ERBB4: variants seen among roughly 807,000 people sequenced by gnomAD.
The protein encoded by ERBB4 is erb-b2 receptor tyrosine kinase 4, also known as receptor tyrosine-protein kinase erbB-4.
A neutral mutation model predicts 158.0 loss-of-function variants in ERBB4; 42 were observed. The ratio of observed to expected loss-of-function variants is 0.27; its 90% CI spans 0.21 to 0.34. The LOEUF (loss-of-function observed/expected upper bound fraction) is 0.34, where lower values mean the gene tolerates loss of function less well. Ranked by LOEUF, ERBB4 falls within the 10% of genes least tolerant of loss-of-function variation. The pLI, the probability that ERBB4 is intolerant of heterozygous loss-of-function variation, is 1.00. For missense variants in ERBB4, 1,333 were observed against 1,624.1 expected (o/e 0.82, Z 3.08); for synonymous variants, 583 against 558.7 (o/e 1.04, Z -0.61).
At chr2:212,022,848 C>A (rs1160015765) in intron 2 of ERBB4, among the ~76,000 whole-genome samples, 1 of 151,956 alleles carries the variant, frequency 6.6e-6, no homozygotes, top group Admixed American at 6.6e-5. Flanking sequence ...AAAGGCAAAT[C>A]TTCCTGCTTC....
chr2:211,536,474 T>G (rs545965870), intron 20 of ERBB4, among the ~76,000 whole-genome samples: 1 of 152,078 alleles, frequency 6.6e-6, no homozygotes, highest in Non-Finnish European at 1.5e-5. Flanking sequence ...CAAACATGAC[T>G]TGAAAGGCAA....
At chr2:211,953,957 T>G (rs1428979960) in intron 2 of ERBB4, among the ~76,000 whole-genome samples, 1 of 152,064 alleles carries the variant, frequency 6.6e-6, no homozygotes, top group African/African-American at 2.4e-5. Context: ...AACCTGGAAT[T>G]TTCAATGGAT....
intron 3 of ERBB4, among the ~76,000 whole-genome samples, chr2:211,846,373 T>C (rs2077589541): frequency 6.6e-6 from 1 of 152,174 alleles, no homozygotes; most frequent in Non-Finnish European, 1.5e-5. Context: ...CAGGGTGTTC[T>C]GTTAGGCTGG....
At chr2:211,947,007 AAAT>A (rs1375505202) in intron 3 of ERBB4, among the ~76,000 whole-genome samples, 2 of 152,158 alleles carry the variant, frequency 1.3e-5, no homozygotes, top group Admixed American at 1.3e-4. Context: ...TATTTTCTAA[AAAT>A]AAGGTGATTG....
chr2:211,409,233 C>T (rs143645876), intron 25 of ERBB4, among the ~76,000 whole-genome samples: 10 of 152,014 alleles, frequency 6.6e-5, no homozygotes, highest in African/African-American at 1.9e-4. Flanking sequence ...TACTTTTTAC[C>T]ATGTAACCTG....
At chr2:211,913,653 G>T (rs1025113281) in intron 3 of ERBB4, among the ~76,000 whole-genome samples, 1 of 145,852 alleles carries the variant, frequency 6.9e-6, no homozygotes, top group East Asian at 2.0e-4. Flanking sequence ...GTGTGTGTGT[G>T]TGTGTATGTG....
intron 12 of ERBB4, among the ~76,000 whole-genome samples, chr2:211,687,839 TTG>T (rs1457330969): frequency 6.6e-6 from 1 of 152,138 alleles, no homozygotes; most frequent in Non-Finnish European, 1.5e-5. Flanking sequence ...CCTTTCAGAG[TTG>T]TCTTATAATG....
At chr2:211,607,603 T>C (rs1158549851) in intron 19 of ERBB4, among the ~76,000 whole-genome samples, 1 of 152,126 alleles carries the variant, frequency 6.6e-6, no homozygotes, top group Non-Finnish European at 1.5e-5. Flanking sequence ...ATAATTGTAA[T>C]CCTCAGAGGT....
intron 25 of ERBB4, among the ~76,000 whole-genome samples, chr2:211,406,993 T>A (rs1295610144): frequency 6.6e-6 from 1 of 152,014 alleles, no homozygotes; most frequent in Admixed American, 6.6e-5. Flanking sequence ...GGTAAGAGGA[T>A]TGCTTGATCC....
At chr2:211,713,291 A>G (rs1348425366) in intron 8 of ERBB4, among the ~76,000 whole-genome samples, 1 of 152,122 alleles carries the variant, frequency 6.6e-6, no homozygotes, top group East Asian at 1.9e-4. Context: ...TTTATTTCTG[A>G]GTTCCTATCA....
At chr2:212,493,118 A>G (rs912985797) in intron 1 of ERBB4, among the ~76,000 whole-genome samples, 4 of 151,530 alleles carry the variant, frequency 2.6e-5, no homozygotes, top group Admixed American at 2.6e-4. Context: ...ACTTATAAAT[A>G]ATAAAGAACC....
At chr2:211,772,566 G>A (rs917491956) in intron 4 of ERBB4, among the ~76,000 whole-genome samples, 5 of 151,650 alleles carry the variant, frequency 3.3e-5, no homozygotes, top group African/African-American at 1.2e-4. Flanking sequence ...CACATGGACA[G>A]GGACATGGAA....
At chr2:212,387,453 A>ATTTTT (rs34316082) in intron 1 of ERBB4, among the ~76,000 whole-genome samples, 1 of 128,866 alleles carries the variant, frequency 7.8e-6, no homozygotes. Flanking sequence ...GTTAGAACAC[A>ATTTTT]TTTTTTTTTT....
At chr2:212,350,796 A>G (rs961497278) in intron 1 of ERBB4, among the ~76,000 whole-genome samples, 6 of 101,500 alleles carry the variant, frequency 5.9e-5, no homozygotes, top group African/African-American at 1.4e-4. Context: ...TTCAAAATAA[A>G]GACTGTAAAA....
chr2:211,607,329 C>G (rs2069020937), intron 19 of ERBB4, among the ~76,000 whole-genome samples: 1 of 152,122 alleles, frequency 6.6e-6, no homozygotes, highest in African/African-American at 2.4e-5. Flanking sequence ...TATTAGCTGA[C>G]CAGTATCCGT....
chr2:212,034,523 C>T (rs572798295), intron 2 of ERBB4, among the ~76,000 whole-genome samples: 10 of 151,920 alleles, frequency 6.6e-5, no homozygotes, highest in South Asian at 4.1e-4. Flanking sequence ...GTGATCCGTA[C>T]AATAATTTTA....
chr2:211,587,014 C>T (rs2068301602), intron 19 of ERBB4, among the ~76,000 whole-genome samples: 1 of 151,954 alleles, frequency 6.6e-6, no homozygotes, highest in South Asian at 2.1e-4. Flanking sequence ...TGCCAATAAA[C>T]CTATTGTAAA....
chr2:212,057,991 A>T (rs1367500289), intron 2 of ERBB4, among the ~76,000 whole-genome samples: 1 of 151,506 alleles, frequency 6.6e-6, no homozygotes, highest in East Asian at 1.9e-4. Context: ...TGAATCCAGG[A>T]GCTGGTTGTT....
intron 1 of ERBB4, among the ~76,000 whole-genome samples, chr2:212,514,897 C>T (rs917203022): frequency 6.6e-6 from 1 of 151,908 alleles, no homozygotes; most frequent in Non-Finnish European, 1.5e-5. Flanking sequence ...AACATGGAGT[C>T]GGTCACAAAT....
Sources: allele counts gnomAD v4.1 joint callset (sites outside exome capture counted in the v4.1 genomes callset), GRCh38; gene constraint gnomAD v4.1.1; transcripts MANE v1.5; gene names NCBI Gene and HGNC (gene_info 2026-07-23, HGNC 2026-07-21).